The following LRRIQ3 variants were observed in gnomAD, a reference collection of about 807,000 sequenced individuals.
The protein encoded by LRRIQ3 is leucine rich repeats and IQ motif containing 3.
In LRRIQ3, 75 loss-of-function variants were observed where a neutral mutation model predicts 59.3. The observed-to-expected ratio is 1.26, with a 90% CI of 1.05 to 1.53. LRRIQ3 has a LOEUF of 1.53. LRRIQ3 is among the 40% of genes most tolerant of loss of function. The pLI, the probability that LRRIQ3 is intolerant of heterozygous loss-of-function variation, is 0.00. For synonymous variants in LRRIQ3, 250 were observed against 231.3 expected (o/e 1.08, Z -0.73); for missense variants, 831 against 710.0 (o/e 1.17, Z -1.94).
chr1:74,188,287 G>A (rs536191858), intron 1 of LRRIQ3, among the ~76,000 whole-genome samples: 1 of 152,242 alleles, frequency 6.6e-6, no homozygotes, highest in South Asian at 2.1e-4. Context: ...TGGGAGGAGG[G>A]AGAGGATTAA....
chr1:74,057,690 T>C lies in LRRIQ3; in HGVS notation c.998-15757A>G, dbSNP rs568431758. On this transcript the variant is annotated intron_variant, in intron 6 of 7. Coordinates refer to ENST00000354431, the MANE Select transcript of LRRIQ3 (RefSeq NM_001105659.2). ...GCATGACATAGGACTGGGCAAGGACTTTTTGAAATAGACTTCAAAGGCACA... is the reference window on the plus strand; with the variant it reads ...GCATGACATAGGACTGGGCAAGGACCTTTTGAAATAGACTTCAAAGGCACA... Among the ~76,000 whole-genome samples the C allele has an allele frequency of 9.5e-4, 145 of 152,262 alleles. 1 individual carries two copies. Among genetic ancestry groups the C allele is most frequent in the Non-Finnish European group, 1.6e-3 (112 of 68,012 alleles).
intron 4 of LRRIQ3, among the ~76,000 whole-genome samples, chr1:74,143,743 T>A (rs1283073406): frequency 6.6e-6 from 1 of 151,422 alleles, no homozygotes; most frequent in Non-Finnish European, 1.5e-5. Context: ...ATATTACAAC[T>A]TTTTATCTCA....
At chr1:74,129,254 G>C (rs541861241) in intron 4 of LRRIQ3, among the ~76,000 whole-genome samples, 10 of 151,958 alleles carry the variant, frequency 6.6e-5, no homozygotes, top group Non-Finnish European at 1.3e-4. Context: ...CCAGCACCTT[G>C]AGTCAGTTAC....
At chr1:74,043,395 A>C (rs1024889254) in intron 6 of LRRIQ3, among the ~76,000 whole-genome samples, 1 of 152,168 alleles carries the variant, frequency 6.6e-6, no homozygotes, top group Admixed American at 6.6e-5. Flanking sequence ...CTAGACGGAC[A>C]GTAGAAAATA....
chr1:74,161,348 G>A (rs1028278557), intron 3 of LRRIQ3, among the ~76,000 whole-genome samples: 6 of 151,930 alleles, frequency 3.9e-5, no homozygotes. Context: ...CACCTTCATC[G>A]TATCCGACAA....
chr1:74,045,500 C>T (rs573035721), intron 6 of LRRIQ3, among the ~76,000 whole-genome samples: 5 of 152,050 alleles, frequency 3.3e-5, no homozygotes, highest in African/African-American at 4.8e-5. Context: ...CCACAGCCAA[C>T]ATCATACTGA....
chr1:74,051,627 C>A (rs1245496695), intron 6 of LRRIQ3, among the ~76,000 whole-genome samples: 2 of 152,038 alleles, frequency 1.3e-5, no homozygotes, highest in Non-Finnish European at 2.9e-5. Context: ...AAACCCCATA[C>A]GCATTAGAGT....
At chr1:74,133,158 T>C (rs1368614861) in intron 4 of LRRIQ3, among the ~76,000 whole-genome samples, 2 of 151,826 alleles carry the variant, frequency 1.3e-5, no homozygotes, top group African/African-American at 4.8e-5. Flanking sequence ...AAAAACACAA[T>C]GAGATACCAC....
In LRRIQ3 at chr1:74,130,689, C is replaced by T. The variant is rs111523861; in HGVS notation, c.708-21136G>A. Among the ~76,000 whole-genome samples the T allele has an allele frequency of 2.4e-4, 36 of 152,090 alleles. 1 individual carries two copies. Among genetic ancestry groups the T allele is most frequent in the African/African-American group, 7.2e-4 (30 of 41,526 alleles). ...TAGAGGTTTCTATTCTTCTACGGTG[C>T]GTTACCTCTTTCAATCAGTATTTCT... On this transcript the variant is annotated intron_variant, in intron 4 of 7. Transcript: ENST00000354431.
intron 4 of LRRIQ3, among the ~76,000 whole-genome samples, chr1:74,147,860 T>C (rs1416877612): frequency 6.6e-6 from 1 of 152,196 alleles, no homozygotes; most frequent in East Asian, 1.9e-4. Context: ...AGCTATTATT[T>C]CATTAAATAG....
At chr1:74,174,379 CTCTTCCTT>C (rs1649512218) in intron 3 of LRRIQ3, among the ~76,000 whole-genome samples, 1 of 151,480 alleles carries the variant, frequency 6.6e-6, no homozygotes, top group Admixed American at 6.6e-5. Context: ...CGCCCTTCCC[CTCTTCCTT>C]CCTTCCTGTT....
chr1:74,132,997 A>T (rs527382816), intron 4 of LRRIQ3, among the ~76,000 whole-genome samples: 26 of 152,144 alleles, frequency 1.7e-4, no homozygotes, highest in African/African-American at 5.8e-4. Flanking sequence ...GAATCTACAA[A>T]GAACTTAAAC....
chr1:74,029,408 CA>C (rs910490939), intron 7 of LRRIQ3, among the ~76,000 whole-genome samples: 2 of 151,890 alleles, frequency 1.3e-5, no homozygotes, highest in African/African-American at 4.8e-5. Flanking sequence ...TTAGCATGAA[CA>C]GCTCTTGAAT....
At chr1:74,059,143 G>A (rs1574842) in intron 6 of LRRIQ3, among the ~76,000 whole-genome samples, 70,434 of 151,886 alleles carry the variant, frequency 0.46, 18,126 homozygotes, top group East Asian at 0.82. Flanking sequence ...TACTCAGCGA[G>A]TGTCTTTTCA....
chr1:74,138,764 C>A (rs1225198464), intron 4 of LRRIQ3, among the ~76,000 whole-genome samples: 1 of 151,804 alleles, frequency 6.6e-6, no homozygotes, highest in African/African-American at 2.4e-5. Context: ...TTTCATAACT[C>A]CCAGGACTAC....
At chr1:74,078,995 A>AT (rs1270815413) in intron 5 of LRRIQ3, among the ~76,000 whole-genome samples, 1 of 151,846 alleles carries the variant, frequency 6.6e-6, no homozygotes, top group Non-Finnish European at 1.5e-5. Flanking sequence ...TCCAAAATAT[A>AT]TTTTAAATAT....
intron 4 of LRRIQ3, chr1:74,138,476 G>T: frequency 1.0e-6 from 1 of 984,694 alleles, no homozygotes; most frequent in Non-Finnish European, 1.2e-6. Flanking sequence ...GTCTGACCCA[G>T]AGTTCAGCTA....
intron 5 of LRRIQ3, among the ~76,000 whole-genome samples, chr1:74,092,741 T>C (rs1214808348): frequency 6.6e-6 from 1 of 152,056 alleles, no homozygotes; most frequent in Non-Finnish European, 1.5e-5. Flanking sequence ...GTCTGCAAGT[T>C]AAGCTTACTG....
chr1:74,142,740 C>G (rs1284505669), intron 4 of LRRIQ3, among the ~76,000 whole-genome samples: 1 of 151,984 alleles, frequency 6.6e-6, no homozygotes, highest in African/African-American at 2.4e-5. Flanking sequence ...CATGCTGTTA[C>G]ATCTTGAATC....
Sources: gnomAD v4.1 joint callset for allele counts (sites outside exome capture counted in the v4.1 genomes callset) on GRCh38, gnomAD v4.1.1 for gene constraint, MANE v1.5 for transcripts, NCBI Gene and HGNC (gene_info 2026-07-23, HGNC 2026-07-21) for gene names.